Variants in PGM2L1 observed in about 807,000 individuals in gnomAD.
The protein encoded by PGM2L1 is glucose 1,6-bisphosphate synthase.
In PGM2L1, 35 loss-of-function variants were observed where a neutral mutation model predicts 73.4. The ratio of observed to expected loss-of-function variants is 0.48; its 90% CI spans 0.36 to 0.63. The LOEUF is 0.63. PGM2L1 is among the 30% of genes least tolerant of loss of function. The pLI, the probability that PGM2L1 is intolerant of heterozygous loss-of-function variation, is 0.00. For missense variants in PGM2L1, 570 were observed against 742.0 expected, an observed-to-expected ratio of 0.77 and a Z score of 2.69; for synonymous variants, 225 against 253.8, an observed-to-expected ratio of 0.89 and a Z score of 1.08.
rs768882161 is a variant in PGM2L1, at chr11:74,342,456, CT to C, written c.1632+4del. ...AATTGTTTGGAAAAAAAAAAAGGTA[CT>C]TACTGATTTCTTATTAGGCTGGCTA... On this transcript the variant is annotated splice_donor_region_variant and intron_variant, in intron 12 of 13. Transcript: ENST00000298198. The C allele has an allele frequency of 5.6e-6, 8 of 1,419,572 alleles. No individual in the cohort carries two copies. Among genetic ancestry groups the C allele is most frequent in the Non-Finnish European group, 6.5e-6 (7 of 1,077,884 alleles). The allele number at this position is 1,419,572 out of a possible 1,614,324, so 87.9% of individuals were successfully genotyped here.
At chr11:74,380,642 GTTAA>G (rs538977630) in intron 1 of PGM2L1, among the ~76,000 whole-genome samples, 146 of 151,842 alleles carry the variant, frequency 9.6e-4, no homozygotes, top group African/African-American at 3.4e-3. Context: ...ATTTAAAAAA[GTTAA>G]TTATTTTGTT....
chr11:74,397,158 T>C (rs1040164068), intron 1 of PGM2L1, among the ~76,000 whole-genome samples: 1 of 152,228 alleles, frequency 6.6e-6, no homozygotes, highest in Non-Finnish European at 1.5e-5. Context: ...ATTAATTCCA[T>C]TTTAAATGTG....
rs1264036863 is a variant in PGM2L1 at position 74,345,548 on chromosome 11, T to C, written c.1139A>G (p.Lys380Arg). Residue 380 changes from lysine to arginine, a missense_variant, in exon 9 of 14, where the codon AAG becomes AGG. Lys to Arg is a conservative substitution (Grantham distance 26). Coordinates refer to ENST00000298198, the MANE Select transcript of PGM2L1 (RefSeq NM_173582.6). ...KKNKSRNADV[K>R]NVYMLATTVS... ...TGTGGTGGCTAACATATAAACGTTCTTCACATCAGCATTTCTTGATTTATT... is the reference window on the plus strand; with the variant it reads ...TGTGGTGGCTAACATATAAACGTTCCTCACATCAGCATTTCTTGATTTATT... The C allele has an allele frequency of 1.2e-6, 2 of 1,613,542 alleles. No individual in the cohort carries two copies.
intron 1 of PGM2L1, among the ~76,000 whole-genome samples, chr11:74,395,275 T>C (rs562430622): frequency 3.1e-4 from 47 of 152,320 alleles, no homozygotes; most frequent in African/African-American, 1.1e-3. Context: ...ATCTATTTCA[T>C]CTTTCTATCT....
intron 13 of PGM2L1, 45 bp from the exon 14 acceptor site, chr11:74,336,799 C>A: frequency 1.5e-6 from 2 of 1,341,540 alleles, no homozygotes; most frequent in Non-Finnish European, 1.0e-6. Context: ...TTTTCATAGG[C>A]TTAAAATTTA....
Position 74,398,338 on chromosome 11 carries a change from G to C in PGM2L1, c.-177C>G. 3 of 998,808 alleles carry C rather than the reference G, an allele frequency of 3.0e-6. No individual in the cohort carries two copies. Among genetic ancestry groups the C allele is most frequent in the Non-Finnish European group, 4.1e-6 (3 of 738,650 alleles). 61.9% of individuals were successfully genotyped at this position (998,808 alleles called of 1,614,324 possible). A position where few individuals can be genotyped will look rare whatever the true frequency, so the allele number is the denominator to read the frequency against. On this transcript the variant is annotated 5_prime_UTR_variant, in exon 1 of 14. Coordinates refer to ENST00000298198, the MANE Select transcript of PGM2L1 (RefSeq NM_173582.6). ...GCGGCGTCAGGGAACCGGGAGAGAG[G>C]GGGTTTATGGCCGCCTGCTCCCCAG...
rs756109812 is a variant in PGM2L1 at position 74,343,286 on chromosome 11, C to G, written c.1312+37G>C. ...TACAGAATTACATTTTAAAAATTAT[C>G]AATCAAATTTTGAAGATTTTAATAT... is the stretch of plus-strand genomic sequence containing the variant. On this transcript the variant is annotated intron_variant, in intron 10 of 13. Coordinates refer to ENST00000298198, the MANE Select transcript of PGM2L1 (RefSeq NM_173582.6). 5 of 1,532,700 alleles carry G rather than the reference C, an allele frequency of 3.3e-6. No individual in the cohort carries two copies. In the African/African-American group the frequency reaches 7.1e-5, roughly 22 times the overall value. The allele number at this position is 1,532,700 out of a possible 1,614,324, so 94.9% of individuals were successfully genotyped here. A position where few individuals can be genotyped will look rare whatever the true frequency, so the allele number is the denominator to read the frequency against.
intron 5 of PGM2L1, among the ~76,000 whole-genome samples, chr11:74,364,871 G>C (rs1312746098): frequency 6.6e-6 from 1 of 151,984 alleles, no homozygotes; most frequent in African/African-American, 2.4e-5. Flanking sequence ...CTACTTTAAA[G>C]TTCATATGGA....
rs1030147980 is a variant in PGM2L1 at position 74,361,741 on chromosome 11, C to T, written c.555+6751G>A. 3.3e-5 allele frequency among the ~76,000 whole-genome samples: 5 copies of T among 152,270 alleles called. No homozygotes were observed. In the East Asian group the frequency reaches 5.8e-4, roughly 18 times the overall value. The stretch of plus-strand genomic sequence containing the variant: ...GCTGAAAACCATGTCATGAGAACTA[C>T]GTGACGAATGCACAAGCTTCAGTAG... On this transcript the variant is annotated intron_variant, in intron 5 of 13. Coordinates refer to ENST00000298198, the MANE Select transcript of PGM2L1 (RefSeq NM_173582.6).
Position 74,358,393 on chromosome 11 carries a change from G to A in PGM2L1, c.556-6817C>T, listed in dbSNP as rs1180501891. 4.6e-5 allele frequency among the ~76,000 whole-genome samples: 7 copies of A among 152,166 alleles called. No homozygotes were observed. The East Asian group carries it at 1.2e-3, about 25-fold the overall frequency. ...ATATCTTATAAATACATGAAAAGATGCTCAACCTCACTCATAAGACAGGTA... is the reference window on the plus strand; with the variant it reads ...ATATCTTATAAATACATGAAAAGATACTCAACCTCACTCATAAGACAGGTA... On this transcript the variant is annotated intron_variant, in intron 5 of 13. Coordinates refer to ENST00000298198, the MANE Select transcript of PGM2L1 (RefSeq NM_173582.6).
chr11:74,350,128 C>A (rs577901382), intron 6 of PGM2L1, among the ~76,000 whole-genome samples: 2 of 152,094 alleles, frequency 1.3e-5, no homozygotes, highest in African/African-American at 4.8e-5. Flanking sequence ...GAATCAAATT[C>A]TTTTTAGATT....
intron 5 of PGM2L1, among the ~76,000 whole-genome samples, chr11:74,360,202 C>G (rs1862534507): frequency 6.6e-6 from 1 of 150,930 alleles, no homozygotes. Flanking sequence ...TGCACTCCAG[C>G]CTTGGTGACA....
chr11:74,393,545 G>A (rs1863133077), intron 1 of PGM2L1, among the ~76,000 whole-genome samples: 1 of 152,200 alleles, frequency 6.6e-6, no homozygotes, highest in Non-Finnish European at 1.5e-5. Flanking sequence ...TTAGACTAAT[G>A]TGTGAATCAC....
At position 74,358,683 on chromosome 11, in the gene PGM2L1, G is replaced by T. The variant is rs574774806; in HGVS notation, c.556-7107C>A. On this transcript the variant is annotated intron_variant, in intron 5 of 13. Coordinates refer to ENST00000298198, the MANE Select transcript of PGM2L1 (RefSeq NM_173582.6). ...GCAGGAGGATCACTTGAGGCCAGGG[G>T]TTCAAGACCAGCCTGGCCAACATGG... Among the ~76,000 whole-genome samples, 3 of 152,304 alleles carry T rather than the reference G, an allele frequency of 2.0e-5. No individual in the cohort carries two copies. In the South Asian group the frequency reaches 6.2e-4, roughly 32 times the overall value.
At chr11:74,367,237 T>G (rs1862674562) in intron 5 of PGM2L1, among the ~76,000 whole-genome samples, 1 of 152,156 alleles carries the variant, frequency 6.6e-6, no homozygotes, top group Admixed American at 6.5e-5. Context: ...GACACTAATT[T>G]TGAGGTGTCT....
chr11:74,343,193 T>C (rs866646773), intron 10 of PGM2L1, 130 bp downstream of exon 10: 5 of 1,322,436 alleles, frequency 3.8e-6, no homozygotes, highest in Middle Eastern at 2.3e-4. Context: ...GAAATGTATC[T>C]ACATATTTCT....
intron 6 of PGM2L1, among the ~76,000 whole-genome samples, chr11:74,348,812 T>C (rs890657911): frequency 1.3e-5 from 2 of 152,200 alleles, no homozygotes; most frequent in Non-Finnish European, 2.9e-5. Context: ...AACATGCTCT[T>C]CTATCCTATT....
intron 1 of PGM2L1, among the ~76,000 whole-genome samples, chr11:74,379,894 C>T (rs1162312536): frequency 6.6e-6 from 1 of 152,012 alleles, no homozygotes; most frequent in Non-Finnish European, 1.5e-5. Context: ...CATTTGCACT[C>T]CAGCCTGGAC....
At chr11:74,377,266 C>G (rs1862869817) in intron 1 of PGM2L1, among the ~76,000 whole-genome samples, 2 of 151,962 alleles carry the variant, frequency 1.3e-5, no homozygotes, top group Admixed American at 1.3e-4. Context: ...TCCCGAGTAG[C>G]TGGACTACAG....
Sources: allele counts gnomAD v4.1 joint callset (sites outside exome capture counted in the v4.1 genomes callset), GRCh38; gene constraint gnomAD v4.1.1; transcripts MANE v1.5; gene names NCBI Gene and HGNC (gene_info 2026-07-23, HGNC 2026-07-21).